Variants in TENT5D observed in about 807,000 individuals in gnomAD.
TENT5D encodes the protein cancer/testis antigen 112.
For synonymous variants in TENT5D, 103 were observed against 100.6 expected (o/e 1.02, Z -0.15); for missense variants, 191 against 287.0 (o/e 0.67, Z 2.42).
intron 2 of TENT5D, among the ~76,000 whole-genome samples, chrX:80,439,439 C>T (rs1323661709): frequency 9.0e-6 from 1 of 111,186 alleles, no homozygotes; most frequent in Admixed American, 9.6e-5. Context: ...AGTTTCCCAA[C>T]AAGTTTTCTG....
At chrX:80,414,957 T>C in intron 3 of TENT5D, among the ~76,000 whole-genome samples, 1 of 112,248 alleles carries the variant, frequency 8.9e-6, no homozygotes. Flanking sequence ...TTGTATTATG[T>C]CTGATATTTT....
chrX:80,378,694 G>A (rs1024714594), intron 3 of TENT5D, among the ~76,000 whole-genome samples: 1 of 111,267 alleles, frequency 9.0e-6, no homozygotes, highest in African/African-American at 3.3e-5. Flanking sequence ...TTGTAGTATA[G>A]CTTGAAGTCA....
intron 2 of TENT5D, among the ~76,000 whole-genome samples, chrX:80,441,046 G>A (rs1932273194): frequency 9.0e-6 from 1 of 111,045 alleles, no homozygotes; most frequent in African/African-American, 3.3e-5. Flanking sequence ...TCATTCGATA[G>A]ATAAATTACC....
intron 3 of TENT5D, among the ~76,000 whole-genome samples, chrX:80,387,176 A>G (rs1931032305): frequency 1.8e-5 from 2 of 112,178 alleles, no homozygotes; most frequent in Non-Finnish European, 3.8e-5. Flanking sequence ...CCAATGTCAA[A>G]GATTGCAGCC....
intron 3 of TENT5D, among the ~76,000 whole-genome samples, chrX:80,351,526 G>T (rs759038663): frequency 9.2e-6 from 1 of 108,860 alleles, no homozygotes; most frequent in East Asian, 3.0e-4. Flanking sequence ...CTCTAAACTG[G>T]TTATTCTAGT....
At chrX:80,342,795 G>A (rs1328281192) in intron 3 of TENT5D, among the ~76,000 whole-genome samples, 1 of 111,631 alleles carries the variant, frequency 9.0e-6, no homozygotes, top group Non-Finnish European at 1.9e-5. Flanking sequence ...ATTTCAATAA[G>A]CAGTTGTTCA....
At chrX:80,436,225 TCTA>T (rs1932179708) in intron 1 of TENT5D, among the ~76,000 whole-genome samples, 1 of 110,928 alleles carries the variant, frequency 9.0e-6, no homozygotes, top group African/African-American at 3.3e-5. Flanking sequence ...TATCTGAATG[TCTA>T]CTAAATATAG....
At chrX:80,346,739 C>T (rs766591307) in intron 3 of TENT5D, among the ~76,000 whole-genome samples, 2 of 110,776 alleles carry the variant, frequency 1.8e-5, no homozygotes, top group African/African-American at 6.6e-5. Flanking sequence ...TATACATGTG[C>T]CATGGTGGTT....
At chrX:80,395,278 AGATT>A (rs1931219470) in intron 3 of TENT5D, among the ~76,000 whole-genome samples, 1 of 112,351 alleles carries the variant, frequency 8.9e-6, no homozygotes, top group Non-Finnish European at 1.9e-5. Flanking sequence ...TGATGGAAAC[AGATT>A]GATTATTTAT....
intron 2 of TENT5D, among the ~76,000 whole-genome samples, chrX:80,336,240 AGTTTCTTTTTATCTTT>A (rs1442583309): frequency 9.0e-6 from 1 of 111,212 alleles, no homozygotes; most frequent in African/African-American, 3.3e-5. Context: ...TAATTGGATA[AGTTTCTTTTTATCTTT>A]GTTTCTTTTT....
intron 3 of TENT5D, among the ~76,000 whole-genome samples, chrX:80,344,486 A>G (rs1473022725): frequency 2.7e-5 from 3 of 110,249 alleles, no homozygotes; most frequent in South Asian, 7.8e-4. Context: ...TTTTTTTAAT[A>G]ATAGCCATAC....
intron 3 of TENT5D, among the ~76,000 whole-genome samples, chrX:80,397,019 C>G (rs1170931352): frequency 5.3e-5 from 4 of 75,475 alleles, no homozygotes; most frequent in Non-Finnish European, 7.7e-5. Context: ...GGCGTCTGGC[C>G]GGGGGGGGGG....
chrX:80,400,154 A>G (rs1050204060), intron 3 of TENT5D, among the ~76,000 whole-genome samples: 2 of 111,651 alleles, frequency 1.8e-5, no homozygotes, highest in African/African-American at 6.5e-5. Context: ...CTCAGGACCC[A>G]GAGAGATATT....
At chrX:80,408,760 C>T (rs1210334174) in intron 3 of TENT5D, among the ~76,000 whole-genome samples, 2 of 111,426 alleles carry the variant, frequency 1.8e-5, no homozygotes, top group African/African-American at 6.5e-5. Context: ...AGGCAAGCAT[C>T]ATTCTGATAC....
At chrX:80,429,869 TTCAC>T (rs975667337) in intron 1 of TENT5D, among the ~76,000 whole-genome samples, 4 of 111,769 alleles carry the variant, frequency 3.6e-5, no homozygotes, top group Non-Finnish European at 5.6e-5. Context: ...GGAGGTGTGT[TTCAC>T]TAAAGCTTCT....
At chrX:80,357,241 G>T (rs146590437) in intron 3 of TENT5D, among the ~76,000 whole-genome samples, 3,901 of 109,827 alleles carry the variant, frequency 0.036, 112 homozygotes, top group Admixed American at 0.13. Flanking sequence ...TGTGTCTTTA[G>T]AGCAGCATGA....
intron 1 of TENT5D, among the ~76,000 whole-genome samples, chrX:80,429,556 G>A (rs1169514869): frequency 9.1e-6 from 1 of 110,152 alleles, no homozygotes; most frequent in Non-Finnish European, 1.9e-5. Flanking sequence ...TCCTGCCTCG[G>A]CCTCCCAAAG....
chrX:80,412,170 C>T (rs1931682818), intron 3 of TENT5D, among the ~76,000 whole-genome samples: 1 of 112,870 alleles, frequency 8.9e-6, no homozygotes, highest in South Asian at 3.6e-4. Context: ...AGTCACAGCT[C>T]GAGCTGTACG....
intron 3 of TENT5D, among the ~76,000 whole-genome samples, chrX:80,405,571 G>C (rs1212939745): frequency 8.9e-6 from 1 of 112,459 alleles, no homozygotes; most frequent in Non-Finnish European, 1.9e-5. Context: ...CGCACCACGA[G>C]ATTATATCTC....
Sources: allele counts gnomAD v4.1 joint callset (sites outside exome capture counted in the v4.1 genomes callset), GRCh38; gene constraint gnomAD v4.1.1; transcripts MANE v1.5; gene names NCBI Gene and HGNC (gene_info 2026-07-23, HGNC 2026-07-21).